Variants in CAST observed in about 807,000 individuals in gnomAD.
CAST encodes calpastatin.
A neutral mutation model predicts 119.6 loss-of-function variants in CAST; 76 were observed. That is an observed-to-expected ratio of 0.64 (90% confidence interval 0.53 to 0.77). CAST has a LOEUF of 0.77. CAST is among the 30% of genes least tolerant of loss of function. The pLI is 0.00. For missense variants in CAST, 953 were observed against 946.5 expected, an observed-to-expected ratio of 1.01 and a Z score of -0.09; for synonymous variants, 319 against 331.6, an observed-to-expected ratio of 0.96 and a Z score of 0.41.
chr5:96,682,554 C>G (rs1362149532), intron 2 of CAST, among the ~76,000 whole-genome samples: 1 of 151,850 alleles, frequency 6.6e-6, no homozygotes, highest in East Asian at 1.9e-4. Context: ...CTGTCTTTTT[C>G]AGTCTTCGGG....
the CAST span, among the ~76,000 whole-genome samples, chr5:96,023,868 G>A: frequency 6.6e-6 from 1 of 151,578 alleles, no homozygotes; most frequent in Non-Finnish European, 1.5e-5. Context: ...TCAGAGGCCT[G>A]GATAGTTAAT....
the CAST span, among the ~76,000 whole-genome samples, chr5:96,082,657 AT>A: frequency 1.3e-5 from 2 of 152,034 alleles, no homozygotes; most frequent in Admixed American, 6.5e-5. Flanking sequence ...TTAGTTATAC[AT>A]TTTTTTTAAA....
the CAST span, among the ~76,000 whole-genome samples, chr5:96,475,670 A>G: frequency 1.1e-4 from 17 of 152,302 alleles, no homozygotes; most frequent in East Asian, 3.1e-3. Flanking sequence ...CACTCAGTCC[A>G]TGTGTAACAA....
intron 10 of CAST, 120 bp downstream of exon 10, chr5:96,736,360 GA>G: frequency 1.7e-6 from 1 of 580,504 alleles, no homozygotes. Flanking sequence ...CCATTTTAAT[GA>G]ATTATTGTTT....
At chr5:96,750,898 A>G (rs566778816) in intron 20 of CAST, among the ~76,000 whole-genome samples, 14 of 152,184 alleles carry the variant, frequency 9.2e-5, no homozygotes, top group South Asian at 6.2e-4. Flanking sequence ...TCCCAACTGT[A>G]TTTTTCTCTA....
At chr5:96,416,719 A>G in the CAST span, among the ~76,000 whole-genome samples, 1 of 152,182 alleles carries the variant, frequency 6.6e-6, no homozygotes, top group Non-Finnish European at 1.5e-5. Flanking sequence ...TATTTGCAAG[A>G]CATTACCAGC....
chr5:96,516,419 T>C, the CAST span, among the ~76,000 whole-genome samples: 1 of 152,332 alleles, frequency 6.6e-6, no homozygotes, highest in East Asian at 1.9e-4. Context: ...TTTGGCATGT[T>C]GGTTTTTTAA....
At chr5:96,736,949 A>G (rs1561548319) in intron 10 of CAST, among the ~76,000 whole-genome samples, 1 of 152,204 alleles carries the variant, frequency 6.6e-6, no homozygotes, top group Non-Finnish European at 1.5e-5. Context: ...GAAACTTACA[A>G]TCATGCTGGA....
intron 1 of CAST, chr5:96,529,934 T>C: frequency 3.1e-6 from 1 of 324,048 alleles, no homozygotes. Flanking sequence ...GGGTGTTTTT[T>C]CATAGAACCG....
chr5:95,999,355 T>C, the CAST span, among the ~76,000 whole-genome samples: 1 of 152,120 alleles, frequency 6.6e-6, no homozygotes, highest in African/African-American at 2.4e-5. Flanking sequence ...TATATCCATA[T>C]ATATATTTTT....
the CAST span, among the ~76,000 whole-genome samples, chr5:96,198,469 C>T: frequency 2.1e-4 from 32 of 152,156 alleles, no homozygotes; most frequent in African/African-American, 7.2e-4. Context: ...AGGAAAGCAG[C>T]GCTCCCCAAG....
At chr5:96,178,519 G>GA in the CAST span, among the ~76,000 whole-genome samples, 543 of 150,956 alleles carry the variant, frequency 3.6e-3, 2 homozygotes, top group African/African-American at 0.013. Flanking sequence ...TAGAATAGAA[G>GA]AAAAAAAAAG....
the CAST span, among the ~76,000 whole-genome samples, chr5:96,177,094 T>C: frequency 6.6e-6 from 1 of 152,206 alleles, no homozygotes; most frequent in Non-Finnish European, 1.5e-5. Context: ...AAATTTATTA[T>C]TATGATTATT....
At chr5:96,161,536 G>A in the CAST span, among the ~76,000 whole-genome samples, 479 of 152,202 alleles carry the variant, frequency 3.1e-3, 1 homozygote, top group Non-Finnish European at 3.8e-3. Context: ...TTACTGTAAC[G>A]TTATAGTAAA....
the CAST span, among the ~76,000 whole-genome samples, chr5:96,405,111 A>T: frequency 6.6e-6 from 1 of 152,178 alleles, no homozygotes; most frequent in African/African-American, 2.4e-5. Flanking sequence ...GTTCAGAAAA[A>T]TGTTCAATTG....
chr5:96,394,882 C>T, the CAST span: 1 of 1,614,006 alleles, frequency 6.2e-7, no homozygotes, highest in South Asian at 1.1e-5. Flanking sequence ...GATCCACCAT[C>T]TTCTCCACCC....
intron 2 of CAST, among the ~76,000 whole-genome samples, chr5:96,680,464 G>A (rs968144008): frequency 6.6e-6 from 1 of 151,256 alleles, no homozygotes; most frequent in African/African-American, 2.4e-5. Context: ...GTACATCTTG[G>A]TGTATTTTCC....
the CAST span, among the ~76,000 whole-genome samples, chr5:96,288,123 A>G: frequency 5.9e-5 from 9 of 152,154 alleles, no homozygotes; most frequent in Non-Finnish European, 8.8e-5. Context: ...TAAATTGCAC[A>G]GCAAATCTGA....
chr5:96,489,663 C>G, the CAST span, among the ~76,000 whole-genome samples: 1 of 152,134 alleles, frequency 6.6e-6, no homozygotes, highest in Non-Finnish European at 1.5e-5. Flanking sequence ...GCATGACCCC[C>G]TCCCCAAGAC....
Sources: gnomAD v4.1 joint callset for allele counts (sites outside exome capture counted in the v4.1 genomes callset) on GRCh38, gnomAD v4.1.1 for gene constraint, MANE v1.5 for transcripts, NCBI Gene and HGNC (gene_info 2026-07-23, HGNC 2026-07-21) for gene names.